Variants in MBP observed in about 807,000 individuals in gnomAD.
The protein encoded by MBP is myelin basic protein.
A neutral mutation model predicts 35.8 loss-of-function variants in MBP; 16 were observed. That is an observed-to-expected ratio of 0.45 (90% CI 0.30 to 0.68). The LOEUF is 0.68. Ranked by LOEUF, MBP falls within the 30% of genes least tolerant of loss-of-function variation. The pLI, the probability that MBP is intolerant of heterozygous loss-of-function variation, is 0.08. For synonymous variants in MBP, 143 were observed against 159.6 expected (o/e 0.90, Z 0.78); for missense variants, 380 against 404.7 (o/e 0.94, Z 0.52).
chr18:77,120,305 C>T (rs552483658), intron 1 of MBP, among the ~76,000 whole-genome samples: 72 of 152,326 alleles, frequency 4.7e-4, no homozygotes, highest in Non-Finnish European at 8.8e-4. Flanking sequence ...GTGACCGGCA[C>T]GGCCAGGTGA....
At chr18:77,005,061 T>A (rs1357697593) in intron 4 of MBP, 3 of 152,240 alleles carry the variant, frequency 2.0e-5, no homozygotes, top group African/African-American at 7.2e-5. Flanking sequence ...ATACAACAAA[T>A]CAAAGTTCGG....
chr18:76,985,641 C>T, intron 7 of MBP: 1 of 1,064,522 alleles, frequency 9.4e-7, no homozygotes, highest in Non-Finnish European at 1.1e-6. Context: ...CGGCCGCATC[C>T]TGGCAGCAGC....
At chr18:77,038,596 C>T (rs976828965) in intron 3 of MBP, among the ~76,000 whole-genome samples, 18 of 152,212 alleles carry the variant, frequency 1.2e-4, no homozygotes, top group African/African-American at 4.3e-4. Context: ...CCCTGTCTCT[C>T]CTACATTTCC....
intron 1 of MBP, among the ~76,000 whole-genome samples, chr18:77,129,270 G>A (rs375632478): frequency 7.9e-5 from 12 of 152,278 alleles, no homozygotes; most frequent in African/African-American, 1.9e-4. Flanking sequence ...AAGAACATTC[G>A]GAATGACATT....
chr18:77,091,940 A>T (rs1431147929), intron 2 of MBP, among the ~76,000 whole-genome samples: 5 of 152,240 alleles, frequency 3.3e-5, no homozygotes, highest in African/African-American at 1.2e-4. Flanking sequence ...TTATATAAAA[A>T]GTCTCACTTC....
At chr18:77,108,558 A>T (rs1976351519) in intron 1 of MBP, 1 of 152,220 alleles carries the variant, frequency 6.6e-6, no homozygotes. Context: ...CACTGGGATG[A>T]CTGGACACTT....
At chr18:76,980,756 CTT>C in intron 8 of MBP, 1 of 413,590 alleles carries the variant, frequency 2.4e-6, no homozygotes, top group Non-Finnish European at 4.4e-6. Flanking sequence ...CAACGCTGCA[CTT>C]CTGTGGGTGA....
rs188611597 is a variant in MBP at position 77,041,727 on chromosome 18, A to G, written c.140-24459T>C. On this transcript the variant is annotated intron_variant, in intron 3 of 8. Coordinates refer to ENST00000355994, the MANE Select transcript of MBP (RefSeq NM_001025101.2). ...CTCACTCATAGGTGGGAATTGAACA[A>G]TGAGAACACATGGACACAGGAAGGG... Among the ~76,000 whole-genome samples, 685 of 140,310 alleles carry G rather than the reference A, an allele frequency of 4.9e-3. 4 individuals carry two copies. The highest frequency in any genetic ancestry group is 0.017 in the African/African-American group (653 of 37,984). 92.0% of individuals were successfully genotyped at this position (140,310 alleles called of 152,430 possible).
intron 2 of MBP, among the ~76,000 whole-genome samples, chr18:77,078,883 G>A (rs1974770060): frequency 6.6e-6 from 1 of 152,236 alleles, no homozygotes; most frequent in African/African-American, 2.4e-5. Flanking sequence ...GGAGCCCCAG[G>A]CGGGCTCAGC....
intron 2 of MBP, among the ~76,000 whole-genome samples, chr18:77,068,672 C>G (rs151173286): frequency 1.3e-5 from 2 of 152,340 alleles, no homozygotes; most frequent in African/African-American, 4.8e-5. Context: ...CTGTAGAAAC[C>G]AAGCTGCTGC....
intron 4 of MBP, among the ~76,000 whole-genome samples, chr18:76,992,244 C>T (rs1045302758): frequency 7.2e-5 from 11 of 152,308 alleles, no homozygotes; most frequent in African/African-American, 2.6e-4. Context: ...TGGGATGAAA[C>T]TGTTCCACCT....
chr18:77,014,142 A>C lies in MBP; in HGVS notation c.576+2690T>G, dbSNP rs561104959. On this transcript the variant is annotated intron_variant, in intron 4 of 8. Transcript: ENST00000355994. The stretch of plus-strand genomic sequence containing the variant: ...TTCTCCGTGAATGCACTTTTCATTT[A>C]CGGCTCTCAAAAGAATATGCCTTCT... 1.2e-5 allele frequency: 12 copies of C among 985,426 alleles called. No homozygotes were observed. The South Asian group carries it at 4.2e-4, about 35-fold the overall frequency. The allele number at this position is 985,426 out of a possible 1,614,324, so 61.0% of individuals were successfully genotyped here.
chr18:77,050,206 T>C (rs888026300), intron 3 of MBP, among the ~76,000 whole-genome samples: 2 of 152,244 alleles, frequency 1.3e-5, no homozygotes, highest in African/African-American at 4.8e-5. Context: ...TCTTGTTCTA[T>C]GGAAACGTTT....
intron 1 of MBP, among the ~76,000 whole-genome samples, chr18:77,111,100 A>G (rs952944297): frequency 1.3e-5 from 2 of 152,186 alleles, no homozygotes; most frequent in South Asian, 2.1e-4. Context: ...GCGCCTGTTC[A>G]GAAAGCCTGG....
chr18:77,072,094 C>T (rs987719076), intron 2 of MBP, among the ~76,000 whole-genome samples: 8 of 152,154 alleles, frequency 5.3e-5, no homozygotes, highest in African/African-American at 1.4e-4. Flanking sequence ...ATATGTGGCA[C>T]CTACATGCCA....
intron 4 of MBP, among the ~76,000 whole-genome samples, chr18:76,992,169 G>T (rs117873066): frequency 0.013 from 2,005 of 152,260 alleles, 18 homozygotes; most frequent in Non-Finnish European, 0.02. Flanking sequence ...AACCTTTTTG[G>T]CACCAGGGAT....
At chr18:77,082,071 T>G (rs71360993) in intron 2 of MBP, among the ~76,000 whole-genome samples, 1 of 150,664 alleles carries the variant, frequency 6.6e-6, no homozygotes, top group Non-Finnish European at 1.5e-5. Context: ...CCGGGATGGT[T>G]TCGATCTCCT....
intron 2 of MBP, among the ~76,000 whole-genome samples, chr18:77,099,426 C>A (rs1458371637): frequency 6.6e-6 from 1 of 152,216 alleles, no homozygotes; most frequent in Admixed American, 6.5e-5. Flanking sequence ...ATTTCATGAA[C>A]AATTTTTATA....
At chr18:77,036,867 C>T (rs376879367) in intron 3 of MBP, among the ~76,000 whole-genome samples, 3 of 110,432 alleles carry the variant, frequency 2.7e-5, no homozygotes, top group African/African-American at 7.6e-5. Context: ...CTGAGCTGAG[C>T]AAGTGCTGGT....
Sources: allele counts gnomAD v4.1 joint callset (sites outside exome capture counted in the v4.1 genomes callset), GRCh38; gene constraint gnomAD v4.1.1; transcripts MANE v1.5; gene names NCBI Gene and HGNC (gene_info 2026-07-23, HGNC 2026-07-21).